The following TYK2 variants were observed in gnomAD, a reference collection of about 807,000 sequenced individuals.
TYK2 encodes the protein tyrosine kinase 2, also known as non-receptor tyrosine-protein kinase TYK2.
TYK2 carries 65 observed loss-of-function variants against 130.9 expected under a neutral mutation model. The observed-to-expected ratio is 0.50, with a 90% CI of 0.41 to 0.61. The LOEUF is 0.61. Ranked by LOEUF, TYK2 falls within the 20% of genes least tolerant of loss-of-function variation. The pLI is 0.00. For synonymous variants in TYK2, 647 were observed against 658.9 expected (o/e 0.98, Z 0.28); for missense variants, 1,378 against 1,610.7 (o/e 0.86, Z 2.47).
rs200050053 is a variant in TYK2 at position 10,351,162 on chromosome 19, T to G, written c.3319A>C (p.Lys1107Gln). 1.2e-6 allele frequency: 2 copies of G among 1,611,946 alleles called. No homozygotes were observed. Among genetic ancestry groups the G allele is most frequent in the Non-Finnish European group, 8.5e-7 (1 of 1,178,748 alleles). The change falls in exon 24 of 25, where the codon AAA becomes CAA. Residue 1107 changes from lysine to glutamine, a missense_variant and splice_region_variant. Physicochemically the swap from Lys to Gln is moderately conservative, Grantham distance 53 (BLOSUM62 1). Coordinates refer to ENST00000525621, the MANE Select transcript of TYK2 (RefSeq NM_003331.5). ...GCAATGCCTATGAGCTCAAGGAATTTCTACAGTATAAACAAGACAAGCTCT... is the reference window on the plus strand; with the variant it reads ...GCAATGCCTATGAGCTCAAGGAATTGCTACAGTATAAACAAGACAAGCTCT... Reference protein sequence around the residue: ...HCDSSQSPPTKFLELIGIAQG... With the variant: ...HCDSSQSPPTQFLELIGIAQG...
Position 10,361,829 on chromosome 19 carries a change from C to A in TYK2, c.1900G>T (p.Gly634Trp). ...EDPLVPGRDR[G>W]QELRVVLKVL... ...TTGAGCACCACTCGTAGCTCCTGCCCACGGTCCCTGCCAGGCACGAGGGGG... is the reference window on the plus strand; with the variant it reads ...TTGAGCACCACTCGTAGCTCCTGCCAACGGTCCCTGCCAGGCACGAGGGGG... Residue 634 changes from glycine to tryptophan, a missense_variant, in exon 13 of 25, where the codon GGG becomes TGG. Gly to Trp is a radical substitution (Grantham distance 184). Transcript: ENST00000525621. The surrounding 1 kb of genome is among the most constrained non-coding windows in gnomAD (Gnocchi z 4.0). The A allele has an allele frequency of 6.2e-7, 1 of 1,614,014 alleles. No homozygotes were observed. Among genetic ancestry groups the A allele is most frequent in the Non-Finnish European group, 8.5e-7 (1 of 1,179,990 alleles).
At chr19:10,374,845 T>C (rs2042055998) in intron 3 of TYK2, among the ~76,000 whole-genome samples, 1 of 150,962 alleles carries the variant, frequency 6.6e-6, no homozygotes, top group African/African-American at 2.4e-5. Context: ...ATTGTGCCAT[T>C]GCACTCCAGC....
At chr19:10,351,196 G>T in intron 23 of TYK2, 34 bp from the exon 24 acceptor site, 3 of 1,564,374 alleles carry the variant, frequency 1.9e-6, no homozygotes, top group South Asian at 2.2e-5. Context: ...CTTTTCAAGA[G>T]GCAATGAAAG....
At position 10,361,266 on chromosome 19, in the gene TYK2, G is replaced by A. The variant is rs1013579017; in HGVS notation, c.2047+245C>T. On this transcript the variant is annotated intron_variant, in intron 14 of 24. Transcript: ENST00000525621. This position sits in a 1 kb window ranked among gnomAD's most constrained non-coding sequence, Gnocchi z 4.0. The stretch of plus-strand genomic sequence containing the variant: ...AGTGGGGATGTAGTTGGGAATCAGG[G>A]TGGGGGTTGAGACTGAGGGCAGGTG... 9.8e-6 allele frequency: 6 copies of A among 613,792 alleles called. No homozygotes were observed. Among genetic ancestry groups the A allele is most frequent in the African/African-American group, 3.7e-5 (2 of 54,780 alleles). The allele number at this position is 613,792 out of a possible 1,614,324, so 38.0% of individuals were successfully genotyped here. A position where few individuals can be genotyped will look rare whatever the true frequency, so the allele number is the denominator to read the frequency against.
intron 5 of TYK2, 147 bp from the exon 6 acceptor site, chr19:10,366,727 A>T: frequency 2.2e-5 from 12 of 550,128 alleles, no homozygotes; most frequent in East Asian, 3.5e-5. Context: ...ATGATAGCTG[A>T]TGAGCTAAAA....
intron 3 of TYK2, among the ~76,000 whole-genome samples, chr19:10,374,028 A>T (rs993952739): frequency 6.6e-6 from 1 of 152,056 alleles, no homozygotes; most frequent in South Asian, 2.1e-4. Flanking sequence ...GCACTTTGGG[A>T]GGCTGAGGTG....
At chr19:10,360,484 G>A (rs2041345403) in intron 14 of TYK2, among the ~76,000 whole-genome samples, 1 of 152,090 alleles carries the variant, frequency 6.6e-6, no homozygotes, top group South Asian at 2.1e-4. Context: ...GCAACAGAGG[G>A]AGACCCTAGT....
chr19:10,368,327 T>C lies in TYK2; in HGVS notation c.285A>G (p.Arg95=). ...LPPNHILEIP[R]DASLMLYFRI... is the part of the protein sequence containing the mutation. ...GGAAATATAGCATCAGGCTTGCATC[T>C]CTGGGGATCTCTAGGATGTGGTTTG... Residue 95 remains arginine (R), a synonymous_variant, in exon 4 of 25, where the codon AGA becomes AGG. Transcript: ENST00000525621. 1.2e-6 allele frequency: 2 copies of C among 1,614,130 alleles called. No individual in the cohort carries two copies. The highest frequency in any genetic ancestry group is 1.7e-6 in the Non-Finnish European group (2 of 1,180,018).
At chr19:10,357,429 C>A in intron 17 of TYK2, 1 of 682,544 alleles carries the variant, frequency 1.5e-6, no homozygotes. Context: ...CTTTGGGAAG[C>A]CTTGTCTGAC....
intron 17 of TYK2, chr19:10,357,505 C>T (rs750618599): frequency 8.5e-6 from 6 of 708,244 alleles, no homozygotes; most frequent in Middle Eastern, 2.3e-4. Flanking sequence ...CGTCTCCCAT[C>T]GCTGCCCTGG....
intron 14 of TYK2, among the ~76,000 whole-genome samples, chr19:10,360,488 C>A (rs1023352633): frequency 3.3e-5 from 5 of 151,920 alleles, no homozygotes; most frequent in African/African-American, 4.8e-5. Context: ...CAGAGGGAGA[C>A]CCTAGTCTCA....
At position 10,354,191 on chromosome 19, in the gene TYK2, T is replaced by TTGGTCGGATCGTAGCAGTAC. The variant is rs1439762922; in HGVS notation, c.2739_2758dup (p.Asn920SerfsTer17). ...CGCCACCATCTCGCCAGTGCCGTCGTTGGTCGGATCGTAGCAGTACAAGCT... is the reference window on the plus strand; with the variant it reads ...CGCCACCATCTCGCCAGTGCCGTCGTTGGTCGGATCGTAGCAGTACTGGTCGGATCGTAGCAGTACAAGCT... On this transcript the variant is annotated frameshift_variant, in exon 20 of 25. Coordinates refer to ENST00000525621, the MANE Select transcript of TYK2 (RefSeq NM_003331.5). LOFTEE classifies it high-confidence loss of function. 6.2e-7 allele frequency: 1 copy of TTGGTCGGATCGTAGCAGTAC among 1,613,658 alleles called. No homozygotes were observed. Among genetic ancestry groups the TTGGTCGGATCGTAGCAGTAC allele is most frequent in the Non-Finnish European group, 8.5e-7 (1 of 1,180,040 alleles).
Position 10,362,254 on chromosome 19 carries a change from A to T in TYK2, c.1669+10T>A, listed in dbSNP as rs536378862. 4 of 1,613,606 alleles carry T rather than the reference A, an allele frequency of 2.5e-6. No homozygotes were observed. Among genetic ancestry groups the T allele is most frequent in the Non-Finnish European group, 3.4e-6 (4 of 1,179,584 alleles). On this transcript the variant is annotated intron_variant, in intron 11 of 24. Coordinates refer to ENST00000525621, the MANE Select transcript of TYK2 (RefSeq NM_003331.5). ...CCACATCCCACCCAGAGGTCCCCCT[A>T]TCATCGTACCTCCTGGTTGGGGCAG...
chr19:10,369,326 T>C (rs562231105), intron 3 of TYK2, among the ~76,000 whole-genome samples: 1 of 151,992 alleles, frequency 6.6e-6, no homozygotes, highest in South Asian at 2.1e-4. Flanking sequence ...ACATATCTTA[T>C]CTGTGGTTGG....
At position 10,362,292 on chromosome 19, in the gene TYK2, CAG is replaced by C; in HGVS notation, c.1639_1640del (p.Leu547AlafsTer38). ...LLRAGDDCFS[L>X]RRCCLPQPGE... ...CTGGTTGGGGCAGGCAACAGCGACG[CAG>C]AGAGAAGCAGTCATCCCCGGCCCTC... On this transcript the variant is annotated frameshift_variant, in exon 11 of 25. Coordinates refer to ENST00000525621, the MANE Select transcript of TYK2 (RefSeq NM_003331.5). LOFTEE classifies it high-confidence loss of function. The C allele has an allele frequency of 6.2e-7, 1 of 1,614,156 alleles. No homozygotes were observed. Among genetic ancestry groups the C allele is most frequent in the Non-Finnish European group, 8.5e-7 (1 of 1,180,020 alleles).
At position 10,353,072 on chromosome 19, in the gene TYK2, G is replaced by C. The variant is rs1320020750; in HGVS notation, c.3054C>G (p.His1018Gln). 2 of 1,562,200 alleles carry C rather than the reference G, an allele frequency of 1.3e-6. No homozygotes were observed. The highest frequency in any genetic ancestry group is 2.3e-5 in the South Asian group (2 of 87,136). Residue 1018 changes from histidine (H) to glutamine (Q), a missense_variant, in exon 22 of 25, where the codon CAC (histidine) becomes CAG (glutamine). By Grantham distance (24) the His-to-Gln change is conservative. Transcript: ENST00000525621. The surrounding 1 kb of genome is among the most constrained non-coding windows in gnomAD (Gnocchi z 6.9). ...CEGMAYLHAQ[H>Q]YIHRDLAARN... ...GCGCGGCTAGGTCTCGGTGGATGTA[G>C]TGCTGCGCGTGCAGATAGGCCATGC...
intron 18 of TYK2, among the ~76,000 whole-genome samples, chr19:10,355,400 G>T (rs1261060165): frequency 6.6e-6 from 1 of 152,238 alleles, no homozygotes; most frequent in Non-Finnish European, 1.5e-5. Context: ...AACACTTTGG[G>T]AGGCTGAGGA....
In TYK2 at chr19:10,368,018, C is replaced by T. The variant is rs35690832; in HGVS notation, c.465+37G>A. On this transcript the variant is annotated intron_variant, in intron 5 of 24. Transcript: ENST00000525621. Reference sequence around the variant, plus strand: ...GGGCTCCTCAACTGCCCCTAAGTCTCCCACAAATAGTCTTGCCACCCCAGC... The same window carrying T: ...GGGCTCCTCAACTGCCCCTAAGTCTTCCACAAATAGTCTTGCCACCCCAGC... The T allele has an allele frequency of 4.2e-4, 673 of 1,613,426 alleles. 6 individuals carry two copies. The East Asian group carries it at 0.015, about 35-fold the overall frequency.
intron 3 of TYK2, 33 bp from the exon 4 acceptor site, chr19:10,368,451 C>T (rs201330599): frequency 5.6e-6 from 9 of 1,613,726 alleles, no homozygotes; most frequent in Admixed American, 3.3e-5. Context: ...TCAGGAGTCA[C>T]GTCATTTGCT....
Sources: gnomAD v4.1 joint callset for allele counts (sites outside exome capture counted in the v4.1 genomes callset) on GRCh38, gnomAD v4.1.1 for gene constraint, Gnocchi (gnomAD v3.1) non-coding constraint, MANE v1.5 for transcripts, NCBI Gene and HGNC (gene_info 2026-07-23, HGNC 2026-07-21) for gene names.